The following CIMIP2C variants were observed in gnomAD, a reference collection of about 807,000 sequenced individuals.
The protein encoded by CIMIP2C is ciliary microtubule inner protein 2C, also known as UPF0573 protein C2orf70.
the CIMIP2C span, among the ~76,000 whole-genome samples, chr2:26,566,886 A>C: frequency 5.9e-5 from 9 of 152,168 alleles, no homozygotes; most frequent in South Asian, 1.9e-3. Context: ...TACCTGGCTA[A>C]TTTTTATATT....
At chr2:26,578,943 A>G in the CIMIP2C span, 1 of 483,442 alleles carries the variant, frequency 2.1e-6, no homozygotes. Flanking sequence ...TTGTGTGTTT[A>G]CTCCTTGTCC....
the CIMIP2C span, among the ~76,000 whole-genome samples, chr2:26,570,617 A>T: frequency 2.0e-5 from 3 of 152,218 alleles, no homozygotes; most frequent in Non-Finnish European, 4.4e-5. Context: ...GCAGATCCCC[A>T]GATGGGCAAC....
the CIMIP2C span, among the ~76,000 whole-genome samples, chr2:26,567,594 G>C: frequency 1.3e-5 from 2 of 152,204 alleles, no homozygotes; most frequent in East Asian, 3.8e-4. Flanking sequence ...TGGGAAGGGA[G>C]GGTTCCAAAG....
the CIMIP2C span, among the ~76,000 whole-genome samples, chr2:26,573,191 G>A: frequency 6.6e-6 from 1 of 152,130 alleles, no homozygotes; most frequent in Non-Finnish European, 1.5e-5. Context: ...CAAGGAAAGG[G>A]TGAGAGTTGA....
At chr2:26,579,007 A>G in the CIMIP2C span, 2 of 523,310 alleles carry the variant, frequency 3.8e-6, no homozygotes, top group East Asian at 8.2e-5. Flanking sequence ...TAAGAGGGGG[A>G]TACCACCACT....
At chr2:26,566,364 G>A in the CIMIP2C span, among the ~76,000 whole-genome samples, 1 of 152,196 alleles carries the variant, frequency 6.6e-6, no homozygotes, top group Non-Finnish European at 1.5e-5. Context: ...CCATTGTCAG[G>A]AGAGTGGTCC....
the CIMIP2C span, among the ~76,000 whole-genome samples, chr2:26,566,796 T>C: frequency 2.0e-5 from 3 of 152,212 alleles, no homozygotes; most frequent in Non-Finnish European, 4.4e-5. Flanking sequence ...CACAGCTCAC[T>C]ATAGCCTTAA....
At chr2:26,579,325 C>T in the CIMIP2C span, 1 of 1,614,062 alleles carries the variant, frequency 6.2e-7, no homozygotes, top group Non-Finnish European at 8.5e-7. Context: ...GAAGTGGCAC[C>T]TTTTAAGACT....
the CIMIP2C span, chr2:26,579,519 C>T: frequency 4.0e-6 from 6 of 1,510,186 alleles, no homozygotes; most frequent in Non-Finnish European, 5.4e-6. Flanking sequence ...AAATCTTTAG[C>T]CATGACCATG....
chr2:26,577,172 C>G, the CIMIP2C span, among the ~76,000 whole-genome samples: 2 of 152,222 alleles, frequency 1.3e-5, no homozygotes, highest in African/African-American at 4.8e-5. Flanking sequence ...GAAACACAGG[C>G]CAGGCGGACA....
At chr2:26,575,060 G>A in the CIMIP2C span, among the ~76,000 whole-genome samples, 4 of 152,344 alleles carry the variant, frequency 2.6e-5, no homozygotes, top group East Asian at 1.9e-4. Flanking sequence ...CTCTTGGAGC[G>A]AGTCTCATTT....
At chr2:26,571,749 C>T in the CIMIP2C span, among the ~76,000 whole-genome samples, 3 of 152,110 alleles carry the variant, frequency 2.0e-5, no homozygotes, top group African/African-American at 4.8e-5. Flanking sequence ...CGAGATCGGG[C>T]GCGCTCAGGG....
chr2:26,568,919 G>A, the CIMIP2C span, among the ~76,000 whole-genome samples: 1 of 151,744 alleles, frequency 6.6e-6, no homozygotes, highest in Non-Finnish European at 1.5e-5. Context: ...TACTTGGGAG[G>A]CTGAGGCAGG....
At chr2:26,562,956 T>G in the CIMIP2C span, 1 of 487,780 alleles carries the variant, frequency 2.1e-6, no homozygotes, top group South Asian at 2.9e-5. Context: ...GGACCTCGCA[T>G]GGATGTAGCC....
At chr2:26,567,577 C>T in the CIMIP2C span, among the ~76,000 whole-genome samples, 4 of 152,190 alleles carry the variant, frequency 2.6e-5, no homozygotes, top group African/African-American at 9.7e-5. Context: ...AGAGGTCAGG[C>T]CAGGCTTGGG....
chr2:26,572,136 T>C, the CIMIP2C span: 2 of 1,545,086 alleles, frequency 1.3e-6, no homozygotes, highest in Non-Finnish European at 1.7e-6. Flanking sequence ...TTGACTCTGA[T>C]TTAAAGAGAT....
At chr2:26,571,103 A>G in the CIMIP2C span, among the ~76,000 whole-genome samples, 1 of 150,094 alleles carries the variant, frequency 6.7e-6, no homozygotes, top group South Asian at 2.1e-4. Context: ...AGGCATGTGG[A>G]TCCATTGCCA....
At chr2:26,569,995 T>C in the CIMIP2C span, among the ~76,000 whole-genome samples, 3 of 152,140 alleles carry the variant, frequency 2.0e-5, no homozygotes, top group African/African-American at 7.2e-5. Context: ...GACACAGACC[T>C]AGCTTGCCAA....
At chr2:26,569,519 G>T in the CIMIP2C span, among the ~76,000 whole-genome samples, 1 of 152,202 alleles carries the variant, frequency 6.6e-6, no homozygotes, top group Non-Finnish European at 1.5e-5. Context: ...GTGGAATGTG[G>T]ACATGCCGAA....
Sources: gnomAD v4.1 joint callset for allele counts (sites outside exome capture counted in the v4.1 genomes callset) on GRCh38, gnomAD v4.1.1 for gene constraint, MANE v1.5 for transcripts, NCBI Gene and HGNC (gene_info 2026-07-23, HGNC 2026-07-21) for gene names.